The following PRKG1 variants were observed in gnomAD, a reference collection of about 807,000 sequenced individuals.
The protein encoded by PRKG1 is protein kinase cGMP-dependent 1.
PRKG1 carries 35 observed loss-of-function variants against 88.1 expected under a neutral mutation model. The ratio of observed to expected loss-of-function variants is 0.40; its 90% confidence interval spans 0.30 to 0.53. The LOEUF (loss-of-function observed/expected upper bound fraction) is 0.53, where lower values mean the gene tolerates loss of function less well. Among genes scored for constraint, PRKG1 ranks in the 20% least tolerant of loss-of-function variants. The pLI, the probability that PRKG1 is intolerant of heterozygous loss-of-function variation, is 0.59. For missense variants in PRKG1, 540 were observed against 839.8 expected, an observed-to-expected ratio of 0.64 and a Z score of 4.41; for synonymous variants, 303 against 292.5, an observed-to-expected ratio of 1.04 and a Z score of -0.37.
intron 2 of PRKG1, among the ~76,000 whole-genome samples, chr10:51,299,007 G>C (rs910745644): frequency 8.5e-5 from 13 of 152,078 alleles, no homozygotes; most frequent in Non-Finnish European, 4.4e-5. Flanking sequence ...TGTCTAAAGT[G>C]TAATAATGAA....
chr10:51,722,528 T>G (rs181444850), intron 3 of PRKG1, among the ~76,000 whole-genome samples: 117 of 152,186 alleles, frequency 7.7e-4, no homozygotes, highest in Non-Finnish European at 5.0e-4. Context: ...CATGGAAAAT[T>G]TATTCATCTT....
upstream of PRKG1, among the ~76,000 whole-genome samples, chr10:51,071,014 A>G (rs1015166075): frequency 6.6e-6 from 1 of 152,204 alleles, no homozygotes; most frequent in Non-Finnish European, 1.5e-5. Context: ...CCTCTACTCT[A>G]TCCCTGAAGG....
At chr10:52,167,364 C>G (rs1427235854) in intron 9 of PRKG1, among the ~76,000 whole-genome samples, 19 of 152,068 alleles carry the variant, frequency 1.2e-4, no homozygotes. Context: ...CCCCTATAAC[C>G]CAAACACCTC....
At position 52,289,003 on chromosome 10, in the gene PRKG1, C is replaced by G; in HGVS notation, c.1895+10C>G. 1 of 1,604,002 alleles carries G rather than the reference C, an allele frequency of 6.2e-7. No individual in the cohort carries two copies. Among genetic ancestry groups the G allele is most frequent in the Non-Finnish European group, 8.5e-7 (1 of 1,173,364 alleles). On this transcript the variant is annotated intron_variant, in intron 16 of 17. Coordinates refer to ENST00000373980, the MANE Select transcript of PRKG1 (RefSeq NM_006258.4). ...ACATTCAAAAGCACAAGTAAGTGTT[C>G]TTTCTGCAGAGTTCTGAACACGTGA...
intron 3 of PRKG1, among the ~76,000 whole-genome samples, chr10:51,725,624 TTTTC>T (rs1295010766): frequency 4.1e-5 from 4 of 97,290 alleles, no homozygotes; most frequent in African/African-American, 1.8e-4. Context: ...TTCTTTTTTC[TTTTC>T]TTTTTTTTTT....
At chr10:51,159,810 G>A (rs185954819) in intron 2 of PRKG1, among the ~76,000 whole-genome samples, 1 of 152,080 alleles carries the variant, frequency 6.6e-6, no homozygotes, top group African/African-American at 2.4e-5. Flanking sequence ...TGAAAACATG[G>A]TCACATGGAG....
intron 5 of PRKG1, among the ~76,000 whole-genome samples, chr10:51,997,021 A>G (rs1369325069): frequency 6.6e-6 from 1 of 152,178 alleles, no homozygotes; most frequent in Non-Finnish European, 1.5e-5. Flanking sequence ...CCTGGCACAG[A>G]AAAAAGTACC....
At chr10:51,259,635 G>T (rs12257728) in intron 2 of PRKG1, among the ~76,000 whole-genome samples, 4 of 152,008 alleles carry the variant, frequency 2.6e-5, no homozygotes, top group Non-Finnish European at 4.4e-5. Context: ...CACCACGCCC[G>T]TCTAATTTTT....
chr10:51,303,521 CAAT>C (rs1203181037), intron 2 of PRKG1, among the ~76,000 whole-genome samples: 3 of 151,794 alleles, frequency 2.0e-5, no homozygotes, highest in African/African-American at 7.3e-5. Flanking sequence ...TCTTTCAACT[CAAT>C]GATTAGCAAT....
chr10:51,972,727 T>C (rs933902445), intron 5 of PRKG1, among the ~76,000 whole-genome samples: 1 of 152,236 alleles, frequency 6.6e-6, no homozygotes. Context: ...TTACCCAAGG[T>C]AACTGTAGAG....
intron 4 of PRKG1, among the ~76,000 whole-genome samples, chr10:51,868,605 A>G (rs939224754): frequency 2.0e-5 from 3 of 152,014 alleles, no homozygotes; most frequent in South Asian, 2.1e-4. Context: ...GAAGATCTTC[A>G]TAGCTTTACA....
chr10:51,381,284 A>AAAAAAAAAAAAAAAAG (rs1837092907), intron 2 of PRKG1, among the ~76,000 whole-genome samples: 1 of 137,246 alleles, frequency 7.3e-6, no homozygotes. Context: ...AAAAAAAAAA[A>AAAAAAAAAAAAAAAAG]AAAAAAAAAA....
intron 2 of PRKG1, among the ~76,000 whole-genome samples, chr10:51,217,116 T>G (rs2132083530): frequency 6.6e-6 from 1 of 152,242 alleles, no homozygotes; most frequent in South Asian, 2.1e-4. Flanking sequence ...ATAGCAATAA[T>G]TTGGCTGTGT....
chr10:51,243,146 T>G (rs2132127728), intron 2 of PRKG1, among the ~76,000 whole-genome samples: 1 of 152,314 alleles, frequency 6.6e-6, no homozygotes, highest in South Asian at 2.1e-4. Context: ...CCCCTTAGCC[T>G]TAGTGTGACT....
At chr10:51,305,821 A>C (rs1196377054) in intron 2 of PRKG1, among the ~76,000 whole-genome samples, 2 of 152,204 alleles carry the variant, frequency 1.3e-5, no homozygotes, top group Non-Finnish European at 2.9e-5. Context: ...TGACTTGCTA[A>C]GCACATATCT....
chr10:52,109,265 CAT>C (rs1162543342), intron 7 of PRKG1, among the ~76,000 whole-genome samples: 1 of 152,102 alleles, frequency 6.6e-6, no homozygotes, highest in Non-Finnish European at 1.5e-5. Context: ...TTTTCTGAAA[CAT>C]AAAATTTGGA....
chr10:51,468,869 G>A (rs1026816551), intron 3 of PRKG1, among the ~76,000 whole-genome samples: 2 of 151,754 alleles, frequency 1.3e-5, no homozygotes, highest in Non-Finnish European at 3.0e-5. Context: ...AAAAACATAA[G>A]AATGCACGGC....
intron 2 of PRKG1, among the ~76,000 whole-genome samples, chr10:51,352,283 A>G (rs1842266653): frequency 6.6e-6 from 1 of 152,060 alleles, no homozygotes; most frequent in Admixed American, 6.6e-5. Flanking sequence ...AATTCTGTGA[A>G]GAAAGTCAAT....
intron 3 of PRKG1, among the ~76,000 whole-genome samples, chr10:51,621,895 C>G (rs1009929416): frequency 6.6e-6 from 1 of 152,124 alleles, no homozygotes; most frequent in African/African-American, 2.4e-5. Flanking sequence ...ACCACAGATT[C>G]CTAGGTTAAA....
Sources: gnomAD v4.1 joint callset for allele counts (sites outside exome capture counted in the v4.1 genomes callset) on GRCh38, gnomAD v4.1.1 for gene constraint, MANE v1.5 for transcripts, NCBI Gene and HGNC (gene_info 2026-07-23, HGNC 2026-07-21) for gene names.